The following GABRG3 variants were observed in gnomAD, a reference collection of about 807,000 sequenced individuals.
GABRG3 encodes gamma-aminobutyric acid receptor subunit gamma-3.
Under a neutral mutation model 48.8 loss-of-function variants are expected in GABRG3, and 25 were observed. The observed-to-expected ratio is 0.51, with a 90% CI of 0.37 to 0.72. The LOEUF is 0.72. Among genes scored for constraint, GABRG3 ranks in the 30% least tolerant of loss-of-function variants. The pLI, the probability that GABRG3 is intolerant of heterozygous loss-of-function variation, is 0.00. For synonymous variants in GABRG3, 227 were observed against 217.6 expected (o/e 1.04, Z -0.38); for missense variants, 394 against 577.9 (o/e 0.68, Z 3.26).
intron 3 of GABRG3, among the ~76,000 whole-genome samples, chr15:27,307,257 C>T (rs186629206): frequency 0.016 from 846 of 53,508 alleles, 17 homozygotes; most frequent in African/African-American, 0.051. Flanking sequence ...TAACCATGTT[C>T]ATATTATATG....
intron 5 of GABRG3, among the ~76,000 whole-genome samples, chr15:27,469,620 C>T (rs556429611): frequency 4.6e-5 from 7 of 152,164 alleles, no homozygotes; most frequent in Non-Finnish European, 1.0e-4. Context: ...GGATCACAGA[C>T]GTGAGCCACC....
chr15:27,226,214 C>A (rs1323347530), intron 3 of GABRG3, among the ~76,000 whole-genome samples: 1 of 152,092 alleles, frequency 6.6e-6, no homozygotes, highest in Non-Finnish European at 1.5e-5. Flanking sequence ...TGCACAGGCA[C>A]CCTGGTGATG....
At chr15:27,249,522 G>T (rs1479965524) in intron 3 of GABRG3, among the ~76,000 whole-genome samples, 1 of 152,202 alleles carries the variant, frequency 6.6e-6, no homozygotes, top group East Asian at 1.9e-4. Context: ...GCTGCCCCCG[G>T]TTACGACATC....
chr15:27,007,934 C>CT (rs1002357958), intron 2 of GABRG3, among the ~76,000 whole-genome samples: 4 of 151,914 alleles, frequency 2.6e-5, no homozygotes, highest in African/African-American at 9.7e-5. Context: ...TCAATTTTTG[C>CT]TTTTTTTGCA....
chr15:27,217,154 C>T (rs1889287545), intron 3 of GABRG3, among the ~76,000 whole-genome samples: 1 of 152,112 alleles, frequency 6.6e-6, no homozygotes, highest in East Asian at 1.9e-4. Context: ...ATATGTGCCA[C>T]ATTTTCTTAA....
At chr15:27,136,537 G>A (rs1322592844) in intron 3 of GABRG3, among the ~76,000 whole-genome samples, 5 of 152,094 alleles carry the variant, frequency 3.3e-5, no homozygotes, top group Admixed American at 6.6e-5. Context: ...TGGGGTGATC[G>A]TGTTTCAGGC....
intron 5 of GABRG3, among the ~76,000 whole-genome samples, chr15:27,469,163 T>A (rs1450434204): frequency 6.6e-6 from 1 of 152,298 alleles, no homozygotes; most frequent in Non-Finnish European, 1.5e-5. Context: ...CATGCCTCTG[T>A]TAATCCAATG....
At chr15:27,304,775 C>A (rs1892337088) in intron 3 of GABRG3, among the ~76,000 whole-genome samples, 1 of 151,900 alleles carries the variant, frequency 6.6e-6, no homozygotes, top group Non-Finnish European at 1.5e-5. Flanking sequence ...GTACTATTTG[C>A]CAAGTGATAT....
At chr15:27,306,356 T>A (rs960925358) in intron 3 of GABRG3, among the ~76,000 whole-genome samples, 1 of 96,768 alleles carries the variant, frequency 1.0e-5, no homozygotes, top group Non-Finnish European at 2.6e-5. Context: ...CATGTCTACA[T>A]ATAAACATAT....
At chr15:26,973,133 A>G (rs930613006) in intron 1 of GABRG3, among the ~76,000 whole-genome samples, 1 of 152,186 alleles carries the variant, frequency 6.6e-6, no homozygotes. Context: ...GGGTTCAGTA[A>G]TCAACTGTTT....
At chr15:27,082,587 C>A (rs1466352871) in intron 3 of GABRG3, among the ~76,000 whole-genome samples, 1 of 152,118 alleles carries the variant, frequency 6.6e-6, no homozygotes, top group African/African-American at 2.4e-5. Context: ...GTCCCACCCC[C>A]ACAACTGAAG....
At chr15:27,303,218 TGACA>T (rs1271707799) in intron 3 of GABRG3, among the ~76,000 whole-genome samples, 2 of 150,218 alleles carry the variant, frequency 1.3e-5, no homozygotes, top group Admixed American at 6.6e-5. Context: ...CATTCAAGAC[TGACA>T]AAGTTAAAAA....
At chr15:27,263,874 C>T (rs892729247) in intron 3 of GABRG3, among the ~76,000 whole-genome samples, 2 of 149,994 alleles carry the variant, frequency 1.3e-5, no homozygotes, top group African/African-American at 4.9e-5. Flanking sequence ...TGTAGTGAGC[C>T]GAGATCGCGC....
intron 3 of GABRG3, among the ~76,000 whole-genome samples, chr15:27,223,493 A>C (rs1284618591): frequency 6.6e-6 from 1 of 152,152 alleles, no homozygotes. Context: ...TTACTTAAAA[A>C]CTCATAAATA....
At chr15:27,336,337 G>GGAAA (rs147113683) in intron 5 of GABRG3, among the ~76,000 whole-genome samples, 2 of 151,800 alleles carry the variant, frequency 1.3e-5, no homozygotes, top group Non-Finnish European at 2.9e-5. Flanking sequence ...TGAAGAAAAA[G>GGAAA]GAAAGAAAGA....
At chr15:27,051,545 T>A (rs1324268656) in intron 3 of GABRG3, among the ~76,000 whole-genome samples, 2 of 152,126 alleles carry the variant, frequency 1.3e-5, no homozygotes, top group East Asian at 1.9e-4. Flanking sequence ...ATGGGATTAG[T>A]GACTTTATAA....
intron 3 of GABRG3, among the ~76,000 whole-genome samples, chr15:27,206,319 C>A (rs1888849950): frequency 6.6e-6 from 1 of 152,178 alleles, no homozygotes; most frequent in Non-Finnish European, 1.5e-5. Flanking sequence ...ACCCAAAAGT[C>A]ATTCGGGGTC....
chr15:27,313,470 C>T (rs971092343), intron 3 of GABRG3, among the ~76,000 whole-genome samples: 25 of 150,676 alleles, frequency 1.7e-4, no homozygotes, highest in Admixed American at 4.6e-4. Context: ...GACTTAAACA[C>T]TATAAATCAA....
chr15:27,054,502 T>C (rs1896508433), intron 3 of GABRG3, among the ~76,000 whole-genome samples: 1 of 152,272 alleles, frequency 6.6e-6, no homozygotes, highest in African/African-American at 2.4e-5. Flanking sequence ...CAAAACAGGT[T>C]CCAGAGCCAA....
Sources: gnomAD v4.1 joint callset for allele counts (sites outside exome capture counted in the v4.1 genomes callset) on GRCh38, gnomAD v4.1.1 for gene constraint, MANE v1.5 for transcripts, NCBI Gene and HGNC (gene_info 2026-07-23, HGNC 2026-07-21) for gene names.